Variants in CCDC88B observed in about 807,000 individuals in gnomAD.
The protein encoded by CCDC88B is coiled-coil domain-containing protein 88B.
CCDC88B carries 138 observed loss-of-function variants against 183.7 expected under a neutral mutation model. The ratio of observed to expected loss-of-function variants is 0.75; its 90% CI spans 0.65 to 0.87. The LOEUF (loss-of-function observed/expected upper bound fraction) is 0.87. Among genes scored for constraint, CCDC88B ranks in the 40% least tolerant of loss-of-function variants. CCDC88B has a pLI of 0.00. For synonymous variants in CCDC88B, 835 were observed against 867.5 expected (o/e 0.96, Z 0.66); for missense variants, 1,822 against 1,965.6 (o/e 0.93, Z 1.38).
Position 64,352,269 on chromosome 11 carries a change from C to A in CCDC88B, c.3239C>A (p.Ala1080Asp). 1 of 1,598,330 alleles carries A rather than the reference C, an allele frequency of 6.3e-7. No individual in the cohort carries two copies. The highest frequency in any genetic ancestry group is 8.5e-7 in the Non-Finnish European group (1 of 1,173,000). ...CAGGCCCTGCTTCGGGACCACAAGG[C>A]CCTGGCACAGCTGCAGCGGCGGCAG... Reference protein sequence around the residue: ...QQQALLRDHKALAQLQRRQEA... With the variant: ...QQQALLRDHKDLAQLQRRQEA... Residue 1080 changes from alanine (A) to aspartate (D), a missense_variant, in exon 19 of 27, where the codon GCC (alanine) becomes GAC (aspartate). Physicochemically the swap from Ala to Asp is moderately radical, Grantham distance 126. Coordinates refer to ENST00000356786, the MANE Select transcript of CCDC88B (RefSeq NM_032251.6).
At position 64,354,079 on chromosome 11, in the gene CCDC88B, G is replaced by T; in HGVS notation, c.4008G>T (p.Leu1336=). Residue 1336 remains leucine (L), a synonymous_variant, in exon 24 of 27, where the codon CTG becomes CTT. Coordinates refer to ENST00000356786, the MANE Select transcript of CCDC88B (RefSeq NM_032251.6). ...PRREGGPPGG[L]RLGADGAGST... ...GGGAGGGGGGCCCCCCTGGGGGGCT[G>T]CGCCTGGGGGCCGATGGGGCTGGCA... 1 of 1,432,482 alleles carries T rather than the reference G, an allele frequency of 7.0e-7. No homozygotes were observed. The highest frequency in any genetic ancestry group is 2.4e-5 in the East Asian group (1 of 40,936). The allele number at this position is 1,432,482 out of a possible 1,614,324, so 88.7% of individuals were successfully genotyped here.
At chr11:64,351,680 A>G in intron 18 of CCDC88B, 64 bp downstream of exon 18, 2 of 1,462,244 alleles carry the variant, frequency 1.4e-6, no homozygotes, top group South Asian at 2.8e-5. Context: ...CTTTTGGATC[A>G]TCCTGTGGCC....
chr11:64,344,049 A>G lies in CCDC88B; in HGVS notation c.1508A>G (p.Glu503Gly), dbSNP rs1270717828. The G allele has an allele frequency of 6.3e-7, 1 of 1,581,424 alleles. No homozygotes were observed. Among genetic ancestry groups the G allele is most frequent in the Admixed American group, 1.8e-5 (1 of 54,146 alleles). The change falls in exon 14 of 27, where the codon GAG (glutamate) becomes GGG (glycine). Residue 503 changes from glutamate to glycine, a missense_variant. Coordinates refer to ENST00000356786, the MANE Select transcript of CCDC88B (RefSeq NM_032251.6). This position sits in a 1 kb window ranked among gnomAD's most constrained non-coding sequence, Gnocchi z 4.5. ...REDPVLPVLE[E>G]APQTPVAFDH... ...GACCCTGTTCTTCCAGTGCTGGAGG[A>G]GGCTCCCCAGACTCCTGTGGCCTTC...
At chr11:64,343,154 C>A (rs77179073) in intron 10 of CCDC88B, 25 bp from the exon 11 acceptor site, 2 of 1,509,716 alleles carry the variant, frequency 1.3e-6, no homozygotes, top group Non-Finnish European at 1.8e-6. Flanking sequence ...TGCGTGGCTA[C>A]CGGTTCTCCC....
Position 64,341,693 on chromosome 11 carries a change from T to G in CCDC88B, c.626T>G (p.Leu209Arg). 6.2e-7 allele frequency: 1 copy of G among 1,606,100 alleles called. No individual in the cohort carries two copies. The highest frequency in any genetic ancestry group is 8.5e-7 in the Non-Finnish European group (1 of 1,176,628). The change falls in exon 7 of 27, where the codon CTG becomes CGG. Residue 209 changes from leucine (L) to arginine (R), a missense_variant. Leu to Arg is a moderately radical substitution (Grantham distance 102). Coordinates refer to ENST00000356786, the MANE Select transcript of CCDC88B (RefSeq NM_032251.6). ...GAGCTGGAGATGCTGTCCCGGAGCC[T>G]GATGGGGACACTGTCGAAGCTGGCA... ...PAELEMLSRS[L>R]MGTLSKLARE...
intron 10 of CCDC88B, 168 bp downstream of exon 10, chr11:64,342,848 TC>T: frequency 2.2e-6 from 1 of 448,214 alleles, no homozygotes; most frequent in Non-Finnish European, 3.5e-6. Context: ...GGAAAGGGCC[TC>T]CAGAGGATGG....
At position 64,352,744 on chromosome 11, in the gene CCDC88B, G is replaced by A. The variant is rs745439742; in HGVS notation, c.3357G>A (p.Arg1119=). ...LELAHRELQG[R]HEQLQAQRAS... ...CCTCTTAGCCCCTTGTCCATCCCAG[G>A]CACGAGCAGCTGCAGGCCCAGCGGG... The change falls in exon 20 of 27, where the codon CGG becomes CGA. Residue 1119 remains arginine (R), a splice_region_variant and synonymous_variant. Coordinates refer to ENST00000356786, the MANE Select transcript of CCDC88B (RefSeq NM_032251.6). 2.5e-6 allele frequency: 4 copies of A among 1,613,342 alleles called. No individual in the cohort carries two copies. Among genetic ancestry groups the A allele is most frequent in the Non-Finnish European group, 3.4e-6 (4 of 1,180,014 alleles).
chr11:64,349,776 T>C (rs1403146006), intron 16 of CCDC88B, 108 bp downstream of exon 16: 48 of 1,094,384 alleles, frequency 4.4e-5, no homozygotes, highest in Middle Eastern at 2.0e-4. Context: ...GATTCTTGGC[T>C]AGCTACTTGC....
At chr11:64,343,958 C>G in intron 13 of CCDC88B, 39 bp from the exon 14 acceptor site, 1 of 1,568,534 alleles carries the variant, frequency 6.4e-7, no homozygotes. Context: ...TTCCCCTAGT[C>G]CCTCCCTGGG....
chr11:64,340,282 G>A lies in CCDC88B; in HGVS notation c.16G>A (p.Gly6Arg), dbSNP rs2035777354. 3 of 1,268,278 alleles carry A rather than the reference G, an allele frequency of 2.4e-6. No individual in the cohort carries two copies. Among genetic ancestry groups the A allele is most frequent in the Admixed American group, 4.0e-5 (1 of 25,240 alleles). The allele number at this position is 1,268,278 out of a possible 1,614,324, so 78.6% of individuals were successfully genotyped here. MEGGK[G>R]PRLRDFLSGS... is the part of the protein sequence containing the mutation. ...CGACCCGGGCATGGAGGGGGGCAAG[G>A]GGCCCAGGCTCAGAGACTTCCTGAG... The change falls in exon 1 of 27, where the codon GGG becomes AGG. Residue 6 changes from glycine to arginine, a missense_variant. By Grantham distance (125) the Gly-to-Arg change is moderately radical (BLOSUM62 -2). Coordinates refer to ENST00000356786, the MANE Select transcript of CCDC88B (RefSeq NM_032251.6).
intron 14 of CCDC88B, among the ~76,000 whole-genome samples, chr11:64,348,049 CAAAAA>C (rs551644268): frequency 2.8e-5 from 2 of 70,898 alleles, no homozygotes; most frequent in Non-Finnish European, 2.7e-5. Flanking sequence ...GACTCCGTCT[CAAAAA>C]AAAAAAAAAA....
In CCDC88B at chr11:64,342,586, G is replaced by A; in HGVS notation, c.968G>A (p.Arg323Gln). 3.3e-6 allele frequency: 5 copies of A among 1,531,250 alleles called. No homozygotes were observed. Among genetic ancestry groups the A allele is most frequent in the African/African-American group, 1.4e-5 (1 of 72,962 alleles). The allele number at this position is 1,531,250 out of a possible 1,614,324, so 94.9% of individuals were successfully genotyped here. A position where few individuals can be genotyped will look rare whatever the true frequency, so the allele number is the denominator to read the frequency against. Residue 323 changes from arginine to glutamine, a missense_variant, in exon 10 of 27, where the codon CGG becomes CAG. Arg to Gln is a conservative substitution (Grantham distance 43). Transcript: ENST00000356786. Reference sequence around the variant, plus strand: ...TACCGCGAGGAGGCAGAGGCGCTGCGGGAGCGGGCCGGCCGCCTGCCCCGC... The same window carrying A: ...TACCGCGAGGAGGCAGAGGCGCTGCAGGAGCGGGCCGGCCGCCTGCCCCGC... The part of the protein sequence containing the change: ...ELYREEAEAL[R>Q]ERAGRLPRLQ...
rs1467952632 is a variant in CCDC88B, at chr11:64,349,583, AG to A, written c.2778del (p.Glu926AspfsTer13). On this transcript the variant is annotated frameshift_variant, in exon 16 of 27. Transcript: ENST00000356786. LOFTEE classifies it high-confidence loss of function. ...GGCTTGGAGCAGCGGCTGGAAGCTG[AG>A]CTGCAGGCGGCGGCGACCAGCAAGG... is the stretch of plus-strand genomic sequence containing the variant. ...YQGLEQRLEA[E>X]LQAAATSKEE... The A allele has an allele frequency of 1.2e-6, 2 of 1,602,170 alleles. No homozygotes were observed. The highest frequency in any genetic ancestry group is 1.3e-5 in the African/African-American group (1 of 74,882).
At chr11:64,352,090 G>C (rs772653766) in intron 18 of CCDC88B, 40 bp from the exon 19 acceptor site, 2 of 1,514,482 alleles carry the variant, frequency 1.3e-6, no homozygotes, top group Non-Finnish European at 1.8e-6. Flanking sequence ...CCAGCCAGGG[G>C]TTCCTCCCCA....
intron 10 of CCDC88B, 154 bp downstream of exon 10, chr11:64,342,834 T>C: frequency 1.2e-6 from 1 of 820,376 alleles, no homozygotes; most frequent in Middle Eastern, 3.4e-4. Context: ...GGAGGTGGCG[T>C]CTGGGAAAGG....
intron 11 of CCDC88B, 91 bp downstream of exon 11, chr11:64,343,416 C>G: frequency 6.5e-7 from 1 of 1,540,232 alleles, no homozygotes. Flanking sequence ...CTTGCAACCT[C>G]TGCTCTTGGT....
Position 64,352,298 on chromosome 11 carries a change from G to C in CCDC88B, c.3268G>C (p.Ala1090Pro). ...GGCACAGCTGCAGCGGCGGCAGGAG[G>C]CCGAGCTAGAGGGACTGCTGGTGCG... ...ALAQLQRRQE[A>P]ELEGLLVRHR... Residue 1090 changes from alanine to proline, a missense_variant, in exon 19 of 27, where the codon GCC becomes CCC. Coordinates refer to ENST00000356786, the MANE Select transcript of CCDC88B (RefSeq NM_032251.6). 1 of 1,565,550 alleles carries C rather than the reference G, an allele frequency of 6.4e-7. No individual in the cohort carries two copies. The highest frequency in any genetic ancestry group is 1.2e-5 in the South Asian group (1 of 86,614).
intron 14 of CCDC88B, among the ~76,000 whole-genome samples, chr11:64,347,666 G>A (rs923449379): frequency 6.6e-6 from 1 of 152,184 alleles, no homozygotes; most frequent in African/African-American, 2.4e-5. Flanking sequence ...CTAGCCGGGC[G>A]ACCTGCCTAC....
At position 64,344,729 on chromosome 11, in the gene CCDC88B, C is replaced by T. The variant is rs761161366; in HGVS notation, c.2188C>T (p.Leu730Phe). Reference protein sequence around the residue: ...LASGVAEQEALREEVAQLRRK... With the variant: ...LASGVAEQEAFREEVAQLRRK... ...CAGTGGTGTCGCAGAGCAGGAGGCC[C>T]TCAGGGAGGAGGTGGCACAGTTGAG... The change falls in exon 14 of 27, where the codon CTC becomes TTC. Residue 730 changes from leucine (L) to phenylalanine (F), a missense_variant. Transcript: ENST00000356786. This position sits in a 1 kb window ranked among gnomAD's most constrained non-coding sequence, Gnocchi z 4.5. The T allele has an allele frequency of 1.9e-6, 3 of 1,614,096 alleles. No homozygotes were observed. In the East Asian group the frequency reaches 6.7e-5, roughly 36 times the overall value.
Sources: allele counts gnomAD v4.1 joint callset (sites outside exome capture counted in the v4.1 genomes callset), GRCh38; gene constraint gnomAD v4.1.1; non-coding constraint Gnocchi (gnomAD v3.1); transcripts MANE v1.5; gene names NCBI Gene and HGNC (gene_info 2026-07-23, HGNC 2026-07-21).